COA1: variants seen among roughly 807,000 people sequenced by gnomAD.
COA1 encodes cytochrome c oxidase assembly factor 1.
In COA1, 13 loss-of-function variants were observed where a neutral mutation model predicts 16.0. The observed-to-expected ratio is 0.81, with a 90% confidence interval of 0.53 to 1.29. The LOEUF (loss-of-function observed/expected upper bound fraction) is 1.29. Ranked by LOEUF, COA1 falls within the 50% of genes most tolerant of loss-of-function variation. COA1 has a pLI of 0.00. For missense variants in COA1, 179 were observed against 177.0 expected, an observed-to-expected ratio of 1.01 and a Z score of -0.06; for synonymous variants, 65 against 65.7, an observed-to-expected ratio of 0.99 and a Z score of 0.05.
At chr7:43,667,072 A>G (rs1389974361) in intron 1 of COA1, among the ~76,000 whole-genome samples, 1 of 152,236 alleles carries the variant, frequency 6.6e-6, no homozygotes, top group African/African-American at 2.4e-5. Context: ...AATTGGGGTT[A>G]ACATTAATAA....
intron 4 of COA1, among the ~76,000 whole-genome samples, chr7:43,643,299 G>A (rs1054880763): frequency 3.9e-5 from 6 of 152,174 alleles, no homozygotes; most frequent in African/African-American, 1.4e-4. Context: ...CAGCAAAGGC[G>A]CCTTTGGCAC....
At chr7:43,701,861 G>C (rs770259613) in intron 1 of COA1, among the ~76,000 whole-genome samples, 1 of 152,022 alleles carries the variant, frequency 6.6e-6, no homozygotes, top group Non-Finnish European at 1.5e-5. Flanking sequence ...TTTCATGTTT[G>C]TTGGCCATAT....
At chr7:43,716,098 G>C (rs997676158) in intron 1 of COA1, among the ~76,000 whole-genome samples, 4 of 152,118 alleles carry the variant, frequency 2.6e-5, no homozygotes, top group African/African-American at 9.7e-5. Context: ...CCAGTCTCAG[G>C]TATGTCTTTA....
At chr7:43,654,714 T>C (rs946274965) in intron 1 of COA1, among the ~76,000 whole-genome samples, 11 of 151,974 alleles carry the variant, frequency 7.2e-5, no homozygotes, top group African/African-American at 2.7e-4. Flanking sequence ...CTAGAGTAAA[T>C]GGAAGATGAG....
intron 1 of COA1, among the ~76,000 whole-genome samples, chr7:43,714,018 T>C (rs920672089): frequency 6.6e-6 from 1 of 151,112 alleles, no homozygotes; most frequent in Non-Finnish European, 1.5e-5. Context: ...TTAAAAAATA[T>C]ATTAAAACAC....
chr7:43,625,331 GAAT>G, intron 6 of COA1: 1 of 152,542 alleles, frequency 6.6e-6, no homozygotes. Context: ...TCGAGACTTA[GAAT>G]AACATTCACT....
chr7:43,713,007 G>A (rs1280962972), intron 1 of COA1, among the ~76,000 whole-genome samples: 1 of 152,182 alleles, frequency 6.6e-6, no homozygotes, highest in Non-Finnish European at 1.5e-5. Flanking sequence ...AAGCTGGAGT[G>A]CAGTGGCGTG....
At chr7:43,709,437 TG>T (rs1156612724) in intron 1 of COA1, among the ~76,000 whole-genome samples, 30 of 105,728 alleles carry the variant, frequency 2.8e-4, no homozygotes, top group African/African-American at 1.5e-3. Flanking sequence ...TGTTTTATTG[TG>T]TGTGTGTGTG....
At chr7:43,651,233 T>C (rs982452041) in intron 1 of COA1, among the ~76,000 whole-genome samples, 2 of 152,196 alleles carry the variant, frequency 1.3e-5, no homozygotes, top group Non-Finnish European at 2.9e-5. Context: ...GTCTACTACA[T>C]TGCCAAATAA....
At chr7:43,711,481 A>G (rs560054010) in intron 1 of COA1, 3 of 152,154 alleles carry the variant, frequency 2.0e-5, no homozygotes, top group Non-Finnish European at 2.9e-5. Context: ...GAGAGAGAGA[A>G]AGAGAATCTC....
At chr7:43,624,490 CTTAACTGTAAAACATGTATCTT>C in intron 6 of COA1, 1 of 1,570,114 alleles carries the variant, frequency 6.4e-7, no homozygotes, top group South Asian at 1.2e-5. Flanking sequence ...TCTAACATGT[CTTAACTGTAAAACATGTATCTT>C]TACAGAGATC....
intron 1 of COA1, among the ~76,000 whole-genome samples, chr7:43,654,612 C>T (rs1563269211): frequency 1.3e-5 from 2 of 150,818 alleles, no homozygotes; most frequent in Non-Finnish European, 1.5e-5. Context: ...AATGAAAGAA[C>T]AAGAATATAA....
intron 1 of COA1, among the ~76,000 whole-genome samples, chr7:43,716,288 T>A (rs541716315): frequency 6.6e-6 from 1 of 152,132 alleles, no homozygotes; most frequent in African/African-American, 2.4e-5. Context: ...TAGAGACTTG[T>A]TGAATGGATT....
chr7:43,624,550 A>AC, intron 6 of COA1: 1 of 1,613,726 alleles, frequency 6.2e-7, no homozygotes, highest in Non-Finnish European at 8.5e-7. Flanking sequence ...TGTCTAAAGC[A>AC]CCCCTGGTTG....
At position 43,706,788 on chromosome 7, in the gene COA1, T is replaced by C. The variant is rs1272463957; in HGVS notation, c.-39+22641A>G. 4.6e-5 allele frequency among the ~76,000 whole-genome samples: 7 copies of C among 151,720 alleles called. No individual in the cohort carries two copies. In the East Asian group the frequency reaches 1.4e-3, roughly 30 times the overall value. On this transcript the variant is annotated intron_variant, in intron 1 of 5. Coordinates refer to ENST00000223336, the MANE Select transcript of COA1 (RefSeq NM_018224.4). Reference sequence around the variant, plus strand: ...GAGAGGCTGAGATGGGAGGATTGCTTGAGTCTGGGAGGCTGAGGCTGCAGT... The same window carrying C: ...GAGAGGCTGAGATGGGAGGATTGCTCGAGTCTGGGAGGCTGAGGCTGCAGT...
chr7:43,668,117 G>T (rs1274055724), intron 1 of COA1, among the ~76,000 whole-genome samples: 1 of 152,190 alleles, frequency 6.6e-6, no homozygotes, highest in Non-Finnish European at 1.5e-5. Flanking sequence ...AGCTTGACAT[G>T]CAGAGCCAAT....
intron 1 of COA1, among the ~76,000 whole-genome samples, chr7:43,724,105 C>T (rs849170): frequency 0.56 from 85,276 of 152,010 alleles, 25,705 homozygotes; most frequent in African/African-American, 0.8. Flanking sequence ...GAAAGGTAAA[C>T]GTGATAATCC....
chr7:43,701,330 T>C (rs1209061762), intron 1 of COA1, among the ~76,000 whole-genome samples: 1 of 152,150 alleles, frequency 6.6e-6, no homozygotes, highest in African/African-American at 2.4e-5. Context: ...ATGCATTCAC[T>C]GTTTAGCTCT....
intron 1 of COA1, among the ~76,000 whole-genome samples, chr7:43,658,507 T>C (rs1440555504): frequency 6.6e-6 from 1 of 152,134 alleles, no homozygotes; most frequent in Non-Finnish European, 1.5e-5. Context: ...AAAACCCAAA[T>C]AATGAATGAA....
Sources: gnomAD v4.1 joint callset for allele counts (sites outside exome capture counted in the v4.1 genomes callset) on GRCh38, gnomAD v4.1.1 for gene constraint, MANE v1.5 for transcripts, NCBI Gene and HGNC (gene_info 2026-07-23, HGNC 2026-07-21) for gene names.